The following CCDC6 variants were observed in gnomAD, a reference collection of about 807,000 sequenced individuals.
CCDC6 encodes coiled-coil domain-containing protein 6.
In CCDC6, 20 loss-of-function variants were observed where a neutral mutation model predicts 56.6. The observed-to-expected ratio is 0.35, with a 90% confidence interval of 0.25 to 0.51. The LOEUF (loss-of-function observed/expected upper bound fraction) is 0.51, where lower values mean the gene tolerates loss of function less well. CCDC6 is among the 20% of genes least tolerant of loss of function. CCDC6 has a pLI of 0.95. For synonymous variants in CCDC6, 241 were observed against 234.4 expected, an observed-to-expected ratio of 1.03 and a Z score of -0.26; for missense variants, 367 against 601.1, an observed-to-expected ratio of 0.61 and a Z score of 4.07.
intron 2 of CCDC6, among the ~76,000 whole-genome samples, chr10:59,847,680 G>C (rs1203439821): frequency 2.6e-5 from 4 of 152,100 alleles, no homozygotes; most frequent in Admixed American, 2.0e-4. Flanking sequence ...CAAGAAATAA[G>C]ATGTTTTCTA....
At chr10:59,871,797 G>A (rs560517158) in intron 1 of CCDC6, among the ~76,000 whole-genome samples, 23 of 152,042 alleles carry the variant, frequency 1.5e-4, no homozygotes, top group Admixed American at 2.6e-4. Flanking sequence ...GGGGATCCAC[G>A]CTGCTTTGAA....
chr10:59,868,611 A>G (rs1388440226), intron 1 of CCDC6, among the ~76,000 whole-genome samples: 1 of 152,126 alleles, frequency 6.6e-6, no homozygotes, highest in Non-Finnish European at 1.5e-5. Context: ...TTGGCATGAC[A>G]ACTCTAATTT....
rs1393359247 is a variant in CCDC6, at chr10:59,789,398, G to A, written c.*3519C>T. On this transcript the variant is annotated 3_prime_UTR_variant, in exon 9 of 9. Transcript: ENST00000263102. ...GAGCATTCCAGAAAATGCCCCCCAC[G>A]ACTTTATGCTAACAGCTGTGTGTAT... The A allele has an allele frequency of 4.4e-6, 1 of 228,888 alleles. No homozygotes were observed. The highest frequency in any genetic ancestry group is 8.6e-6 in the Non-Finnish European group (1 of 115,732). 14.2% of individuals were successfully genotyped at this position (228,888 alleles called of 1,614,324 possible). A position where few individuals can be genotyped will look rare whatever the true frequency, so the allele number is the denominator to read the frequency against.
chr10:59,790,580 T>C lies in CCDC6; in HGVS notation c.*2337A>G, dbSNP rs1453284677. ...CAAACACTTTAAAGGACACGAACCA[T>C]CAAATTCAAAAGAGTAGTGTTTGTT... is the stretch of plus-strand genomic sequence containing the variant. On this transcript the variant is annotated 3_prime_UTR_variant, in exon 9 of 9. Coordinates refer to ENST00000263102, the MANE Select transcript of CCDC6 (RefSeq NM_005436.5). 3 of 221,288 alleles carry C rather than the reference T, an allele frequency of 1.4e-5. No individual in the cohort carries two copies. The highest frequency in any genetic ancestry group is 6.7e-5 in the East Asian group (1 of 15,036). 13.7% of individuals were successfully genotyped at this position (221,288 alleles called of 1,614,324 possible). A position where few individuals can be genotyped will look rare whatever the true frequency, so the allele number is the denominator to read the frequency against.
At chr10:59,897,650 T>G (rs1029251120) in intron 1 of CCDC6, among the ~76,000 whole-genome samples, 2 of 152,206 alleles carry the variant, frequency 1.3e-5, no homozygotes, top group African/African-American at 4.8e-5. Context: ...ATTATTTTTC[T>G]CTCAGATCTG....
chr10:59,802,104 T>G (rs1277515276), intron 7 of CCDC6, among the ~76,000 whole-genome samples: 1 of 152,224 alleles, frequency 6.6e-6, no homozygotes, highest in East Asian at 1.9e-4. Context: ...GGGAATATCC[T>G]TCATTATACT....
intron 2 of CCDC6, among the ~76,000 whole-genome samples, chr10:59,851,131 GAAAAAAAAAAAAA>G (rs372606692): frequency 6.4e-5 from 3 of 46,724 alleles, no homozygotes; most frequent in Non-Finnish European, 1.2e-4. Context: ...CATGTAAATT[GAAAAAAAAAAAAA>G]AAAAAAAAAA....
At chr10:59,885,974 C>G (rs2071380852) in intron 1 of CCDC6, among the ~76,000 whole-genome samples, 1 of 138,944 alleles carries the variant, frequency 7.2e-6, no homozygotes, top group African/African-American at 2.7e-5. Flanking sequence ...CTCAAAACCT[C>G]TTAGCACAAT....
rs778937660 is a variant in CCDC6, at chr10:59,906,436, G to T, written c.-12C>A. 2 of 1,504,886 alleles carry T rather than the reference G, an allele frequency of 1.3e-6. No homozygotes were observed. The highest frequency in any genetic ancestry group is 1.3e-5 in the South Asian group (1 of 75,150). 93.2% of individuals were successfully genotyped at this position (1,504,886 alleles called of 1,614,324 possible). On this transcript the variant is annotated 5_prime_UTR_variant, in exon 1 of 9. Coordinates refer to ENST00000263102, the MANE Select transcript of CCDC6 (RefSeq NM_005436.5). ...GCGCTGTCCGCCATGGCCGCGGCGGGCTGGGGAAAGGAGGAGGAGCAGCAG... is the reference window on the plus strand; with the variant it reads ...GCGCTGTCCGCCATGGCCGCGGCGGTCTGGGGAAAGGAGGAGGAGCAGCAG...
At chr10:59,848,896 G>A (rs897008156) in intron 2 of CCDC6, among the ~76,000 whole-genome samples, 4 of 152,018 alleles carry the variant, frequency 2.6e-5, no homozygotes, top group African/African-American at 7.2e-5. Flanking sequence ...TGTATTTTTA[G>A]TAGAAATGGG....
chr10:59,863,608 T>A (rs1193610860), intron 1 of CCDC6, among the ~76,000 whole-genome samples: 2 of 152,164 alleles, frequency 1.3e-5, no homozygotes, highest in Non-Finnish European at 2.9e-5. Context: ...AGATTATAGT[T>A]CAACTCTGTA....
chr10:59,807,361 T>A (rs1018415413), intron 5 of CCDC6, among the ~76,000 whole-genome samples: 4 of 152,100 alleles, frequency 2.6e-5, no homozygotes, highest in Non-Finnish European at 5.9e-5. Context: ...GGCAGGCACC[T>A]GTAATCCCAG....
chr10:59,856,833 A>T (rs2071084023), intron 1 of CCDC6, among the ~76,000 whole-genome samples: 1 of 152,244 alleles, frequency 6.6e-6, no homozygotes. Flanking sequence ...AAATAAGTGA[A>T]GCAACATTTA....
intron 2 of CCDC6, among the ~76,000 whole-genome samples, chr10:59,834,853 C>G (rs944416687): frequency 6.6e-6 from 1 of 152,102 alleles, no homozygotes; most frequent in Non-Finnish European, 1.5e-5. Flanking sequence ...CCAGCACTTT[C>G]GACAAAAAGA....
chr10:59,829,506 G>T (rs2070817397), intron 3 of CCDC6, among the ~76,000 whole-genome samples: 1 of 152,068 alleles, frequency 6.6e-6, no homozygotes, highest in Non-Finnish European at 1.5e-5. Context: ...ATAACTAAAA[G>T]ATGGAAACAA....
At chr10:59,804,322 T>A in intron 7 of CCDC6, 98 bp downstream of exon 7, 1 of 740,962 alleles carries the variant, frequency 1.3e-6, no homozygotes, top group South Asian at 1.6e-5. Context: ...ATTATCCCTG[T>A]TTCCAAGATT....
intron 1 of CCDC6, among the ~76,000 whole-genome samples, chr10:59,859,854 C>G (rs112177593): frequency 2.1e-5 from 2 of 96,754 alleles, no homozygotes; most frequent in African/African-American, 6.8e-5. Flanking sequence ...CATTTGAGGC[C>G]GGCATATCAC....
intron 7 of CCDC6, among the ~76,000 whole-genome samples, chr10:59,803,563 T>C (rs1288857358): frequency 4.6e-5 from 7 of 152,190 alleles, no homozygotes; most frequent in Non-Finnish European, 1.0e-4. Flanking sequence ...ATGTGATTCT[T>C]TGGCCCATCA....
chr10:59,851,389 G>A (rs1461534805), intron 2 of CCDC6, among the ~76,000 whole-genome samples: 1 of 152,078 alleles, frequency 6.6e-6, no homozygotes, highest in Non-Finnish European at 1.5e-5. Flanking sequence ...ATAAATCTCT[G>A]CTAGACAGTA....
Sources: allele counts gnomAD v4.1 joint callset (sites outside exome capture counted in the v4.1 genomes callset), GRCh38; gene constraint gnomAD v4.1.1; transcripts MANE v1.5; gene names NCBI Gene and HGNC (gene_info 2026-07-23, HGNC 2026-07-21).